The following MEIS2 variants were observed in gnomAD, a reference collection of about 807,000 sequenced individuals.
MEIS2 encodes the protein homeobox protein Meis2.
A neutral mutation model predicts 58.6 loss-of-function variants in MEIS2; 9 were observed. The observed-to-expected ratio is 0.15, with a 90% CI of 0.09 to 0.27. MEIS2 has a LOEUF of 0.27. Among genes scored for constraint, MEIS2 ranks in the 10% least tolerant of loss-of-function variants. MEIS2 has a pLI of 1.00. For missense variants in MEIS2, 427 were observed against 635.0 expected, an observed-to-expected ratio of 0.67 and a Z score of 3.52; for synonymous variants, 221 against 228.4, an observed-to-expected ratio of 0.97 and a Z score of 0.29.
chr15:37,098,607 CG>C, intron 1 of MEIS2: 1 of 224,320 alleles, frequency 4.5e-6, no homozygotes, highest in Non-Finnish European at 7.6e-6. Flanking sequence ...GCGGCGAGGC[CG>C]GGGATTTGAG....
At chr15:37,035,973 G>A (rs1289492099) in intron 8 of MEIS2, among the ~76,000 whole-genome samples, 2 of 152,162 alleles carry the variant, frequency 1.3e-5, no homozygotes, top group East Asian at 1.9e-4. Flanking sequence ...ATTATAGCAA[G>A]AAGCAACCTC....
intron 6 of MEIS2, among the ~76,000 whole-genome samples, chr15:37,089,842 T>A (rs1319870412): frequency 2.6e-5 from 4 of 152,004 alleles, no homozygotes; most frequent in Non-Finnish European, 5.9e-5. Context: ...TCTTTACATG[T>A]AAATGTGAGG....
intron 6 of MEIS2, among the ~76,000 whole-genome samples, chr15:37,091,740 C>G (rs928712368): frequency 6.6e-6 from 1 of 152,080 alleles, no homozygotes; most frequent in South Asian, 2.1e-4. Flanking sequence ...TCAACATGGT[C>G]TAGCTGTATA....
At chr15:36,919,312 G>T (rs184177921) in intron 9 of MEIS2, among the ~76,000 whole-genome samples, 21 of 152,136 alleles carry the variant, frequency 1.4e-4, no homozygotes, top group African/African-American at 3.9e-4. Context: ...GGCACGGTGG[G>T]TCACACCTGT....
Position 37,051,664 on chromosome 15 carries a change from A to G in MEIS2, c.755-14705T>C, listed in dbSNP as rs183285476. Among the ~76,000 whole-genome samples the G allele has an allele frequency of 4.0e-4, 61 of 152,346 alleles. 2 individuals are homozygous for G. In the South Asian group the frequency reaches 0.012, roughly 29 times the overall value. ...AAAAATAATAAGCAAAGTACAGTTA[A>G]ATCATCAAAAACCTGTTATTTGGCA... On this transcript the variant is annotated intron_variant, in intron 7 of 11. Coordinates refer to ENST00000561208, the MANE Select transcript of MEIS2 (RefSeq NM_170675.5).
intron 9 of MEIS2, among the ~76,000 whole-genome samples, chr15:36,913,583 G>A (rs1229582629): frequency 6.6e-6 from 1 of 152,048 alleles, no homozygotes; most frequent in East Asian, 1.9e-4. Flanking sequence ...TTATAGAACA[G>A]AGTAAAAAAA....
intron 8 of MEIS2, among the ~76,000 whole-genome samples, chr15:37,013,083 T>C (rs1227162942): frequency 6.6e-6 from 1 of 152,080 alleles, no homozygotes; most frequent in Non-Finnish European, 1.5e-5. Context: ...CCTAGGACTC[T>C]AGAGGTAGTG....
At chr15:36,971,408 T>C (rs2059552220) in intron 8 of MEIS2, among the ~76,000 whole-genome samples, 1 of 151,634 alleles carries the variant, frequency 6.6e-6, no homozygotes, top group Admixed American at 6.6e-5. Flanking sequence ...AAAAATTAGA[T>C]TGCCTATATG....
chr15:36,981,815 G>C (rs777497514), intron 8 of MEIS2, among the ~76,000 whole-genome samples: 14 of 152,114 alleles, frequency 9.2e-5, no homozygotes, highest in Non-Finnish European at 1.9e-4. Context: ...TGAGGGCCCT[G>C]ACAGAATGAA....
intron 7 of MEIS2, among the ~76,000 whole-genome samples, chr15:37,043,975 T>C (rs553217367): frequency 2.0e-5 from 3 of 152,182 alleles, no homozygotes; most frequent in Admixed American, 6.5e-5. Context: ...CGTGAGCCAC[T>C]GTGCCTGGCC....
At position 37,098,379 on chromosome 15, in the gene MEIS2, G is replaced by GGAGAGAGAGAGAGA. The variant is rs534692479; in HGVS notation, c.13-194_13-181dup. The GGAGAGAGAGAGAGA allele has an allele frequency of 2.1e-3, 658 of 307,848 alleles. 22 individuals are homozygous for GGAGAGAGAGAGAGA. The highest frequency in any genetic ancestry group is 6.3e-3 in the Admixed American group (39 of 6,174). 19.1% of individuals were successfully genotyped at this position (307,848 alleles called of 1,614,324 possible). A position where few individuals can be genotyped will look rare whatever the true frequency, so the allele number is the denominator to read the frequency against. ...GAGGAGGAGGAAAAGGAGGAGAGGG[G>GGAGAGAGAGAGAGA]GAGAGAGAGAGAGAGAGAGAGAGAG... On this transcript the variant is annotated intron_variant, in intron 1 of 11. Coordinates refer to ENST00000561208, the MANE Select transcript of MEIS2 (RefSeq NM_170675.5).
Position 36,971,371 on chromosome 15 carries a change from A to G in MEIS2, c.901-20971T>C, listed in dbSNP as rs145174218. On this transcript the variant is annotated intron_variant, in intron 8 of 11. Transcript: ENST00000561208. The stretch of plus-strand genomic sequence containing the variant: ...AATACAAATTTTAAAGTTATATTTA[A>G]AACACCCAAGGAGGTTTTTACTGAA... 1.3e-4 allele frequency among the ~76,000 whole-genome samples: 19 copies of G among 151,808 alleles called. No individual in the cohort carries two copies. The East Asian group carries it at 3.7e-3, about 29-fold the overall frequency.
At chr15:37,052,656 T>G (rs1157681017) in intron 7 of MEIS2, among the ~76,000 whole-genome samples, 1 of 152,240 alleles carries the variant, frequency 6.6e-6, no homozygotes, top group Admixed American at 6.5e-5. Flanking sequence ...TTGGCACATA[T>G]TAGATAATCG....
At chr15:37,057,649 A>AAAATAAAT (rs138007500) in intron 7 of MEIS2, among the ~76,000 whole-genome samples, 12 of 151,864 alleles carry the variant, frequency 7.9e-5, no homozygotes, top group East Asian at 3.9e-4. Context: ...TGGAACTGAA[A>AAAATAAAT]AAATAAATAA....
At chr15:36,987,603 A>G (rs1187950875) in intron 8 of MEIS2, among the ~76,000 whole-genome samples, 1 of 152,056 alleles carries the variant, frequency 6.6e-6, no homozygotes, top group Non-Finnish European at 1.5e-5. Context: ...GATAAAATGA[A>G]CTGGCTAAAT....
chr15:37,036,293 T>TGAATTTGTCA (rs1432290979), intron 8 of MEIS2: 1 of 152,228 alleles, frequency 6.6e-6, no homozygotes, highest in African/African-American at 2.4e-5. Flanking sequence ...ATAACCCTTC[T>TGAATTTGTCA]GAATTTGTCA....
At chr15:37,061,210 T>C (rs1316241398) in intron 7 of MEIS2, among the ~76,000 whole-genome samples, 2 of 152,160 alleles carry the variant, frequency 1.3e-5, no homozygotes, top group Non-Finnish European at 2.9e-5. Flanking sequence ...CACACAAATA[T>C]TCTTCTAACT....
At chr15:37,041,105 G>C (rs1595989933) in intron 7 of MEIS2, among the ~76,000 whole-genome samples, 1 of 152,220 alleles carries the variant, frequency 6.6e-6, no homozygotes, top group South Asian at 2.1e-4. Flanking sequence ...AAGCCATGGT[G>C]TTCTAAATCC....
intron 8 of MEIS2, among the ~76,000 whole-genome samples, chr15:36,964,889 C>T (rs1048339992): frequency 1.3e-5 from 2 of 152,152 alleles, no homozygotes; most frequent in African/African-American, 4.8e-5. Context: ...AGAGAGAACA[C>T]ATAAATCCAT....
Sources: gnomAD v4.1 joint callset for allele counts (sites outside exome capture counted in the v4.1 genomes callset) on GRCh38, gnomAD v4.1.1 for gene constraint, MANE v1.5 for transcripts, NCBI Gene and HGNC (gene_info 2026-07-23, HGNC 2026-07-21) for gene names.